The following EPM2A variants were observed in gnomAD, a reference collection of about 807,000 sequenced individuals.
The protein encoded by EPM2A is laforin.
Under a neutral mutation model 26.5 loss-of-function variants are expected in EPM2A, and 21 were observed. The ratio of observed to expected loss-of-function variants is 0.79; its 90% confidence interval spans 0.56 to 1.14. The LOEUF (loss-of-function observed/expected upper bound fraction) is 1.14. Among genes scored for constraint, EPM2A ranks in the 50% most tolerant of loss-of-function variants. The pLI, the probability that EPM2A is intolerant of heterozygous loss-of-function variation, is 0.00. For missense variants in EPM2A, 458 were observed against 440.8 expected (o/e 1.04, Z -0.35); for synonymous variants, 217 against 177.6 (o/e 1.22, Z -1.76).
chr6:145,572,287 T>G (rs1009325932), intron 2 of EPM2A, among the ~76,000 whole-genome samples: 1 of 152,160 alleles, frequency 6.6e-6, no homozygotes, highest in African/African-American at 2.4e-5. Flanking sequence ...TTCTGTCAAA[T>G]GATCATAAGG....
intron 4 of EPM2A, among the ~76,000 whole-genome samples, chr6:145,441,185 G>A (rs932439342): frequency 6.6e-6 from 1 of 152,172 alleles, no homozygotes. Flanking sequence ...AACACCACAT[G>A]GAAGCTGCCA....
chr6:145,552,575 A>T (rs1349774032), intron 2 of EPM2A, among the ~76,000 whole-genome samples: 1 of 152,154 alleles, frequency 6.6e-6, no homozygotes, highest in East Asian at 1.9e-4. Context: ...AATGTAATAA[A>T]TATATGTATT....
chr6:145,620,371 G>A (rs2128553723), downstream of EPM2A, among the ~76,000 whole-genome samples: 1 of 152,246 alleles, frequency 6.6e-6, no homozygotes, highest in South Asian at 2.1e-4. Context: ...AAAGCTCACT[G>A]ACCTGCCACT....
At chr6:145,398,630 C>T (rs1421108516) in intron 4 of EPM2A, among the ~76,000 whole-genome samples, 5 of 152,042 alleles carry the variant, frequency 3.3e-5, no homozygotes, top group Non-Finnish European at 7.4e-5. Context: ...GCCACTGAGG[C>T]GGGCAGATCA....
intron 2 of EPM2A, among the ~76,000 whole-genome samples, chr6:145,655,580 A>C (rs557418641): frequency 6.6e-6 from 1 of 152,320 alleles, no homozygotes; most frequent in East Asian, 1.9e-4. Flanking sequence ...TTACTTTTAA[A>C]AATAATAATT....
At chr6:145,723,095 T>C (rs1776024282) in intron 1 of EPM2A, among the ~76,000 whole-genome samples, 1 of 152,224 alleles carries the variant, frequency 6.6e-6, no homozygotes, top group Non-Finnish European at 1.5e-5. Flanking sequence ...TAAATTATAA[T>C]AGATTATTTA....
At chr6:145,673,241 C>T (rs899179529) in intron 2 of EPM2A, among the ~76,000 whole-genome samples, 4 of 151,790 alleles carry the variant, frequency 2.6e-5, no homozygotes, top group African/African-American at 7.3e-5. Context: ...TAAATAATAG[C>T]AGAAATACAA....
At chr6:145,585,653 C>T (rs1209859838) in intron 2 of EPM2A, among the ~76,000 whole-genome samples, 1 of 151,854 alleles carries the variant, frequency 6.6e-6, no homozygotes, top group East Asian at 1.9e-4. Context: ...TTTCCTGTTT[C>T]TTTGTATATC....
intron 4 of EPM2A, among the ~76,000 whole-genome samples, chr6:145,485,983 C>G (rs1779666548): frequency 6.6e-6 from 1 of 152,200 alleles, no homozygotes; most frequent in Non-Finnish European, 1.5e-5. Flanking sequence ...CCAGGTCCCT[C>G]CCACCACATG....
chr6:145,393,453 T>A (rs868066418), intron 4 of EPM2A, among the ~76,000 whole-genome samples: 47 of 152,014 alleles, frequency 3.1e-4, no homozygotes, highest in Admixed American at 1.0e-3. Flanking sequence ...ATCCTGATCA[T>A]CATAAAGAAA....
chr6:145,469,388 A>G (rs1007514260), intron 4 of EPM2A, among the ~76,000 whole-genome samples: 2 of 152,174 alleles, frequency 1.3e-5, no homozygotes, highest in Admixed American at 1.3e-4. Context: ...TTCTCAAAAG[A>G]AGACATACAA....
At chr6:145,607,779 A>G (rs1258841920) in intron 2 of EPM2A, among the ~76,000 whole-genome samples, 1 of 152,190 alleles carries the variant, frequency 6.6e-6, no homozygotes, top group African/African-American at 2.4e-5. Context: ...AGGACATGGA[A>G]AAGAGATACG....
chr6:145,634,138 G>A (rs1429024477), intron 3 of EPM2A, among the ~76,000 whole-genome samples: 1 of 152,098 alleles, frequency 6.6e-6, no homozygotes, highest in Non-Finnish European at 1.5e-5. Flanking sequence ...CAGCAGAGGA[G>A]GTCATCAAAC....
chr6:145,520,563 G>A (rs530122964), intron 2 of EPM2A, among the ~76,000 whole-genome samples: 11 of 152,234 alleles, frequency 7.2e-5, no homozygotes, highest in Non-Finnish European at 1.5e-4. Flanking sequence ...ATAGAGACAC[G>A]TTATTTTGTA....
chr6:145,546,601 A>G (rs1780586243), intron 2 of EPM2A, among the ~76,000 whole-genome samples: 1 of 152,146 alleles, frequency 6.6e-6, no homozygotes, highest in African/African-American at 2.4e-5. Context: ...TAGTAGTCTA[A>G]TCATTGTCAT....
At chr6:145,583,211 T>C (rs1292825208) in intron 2 of EPM2A, among the ~76,000 whole-genome samples, 2 of 152,198 alleles carry the variant, frequency 1.3e-5, no homozygotes, top group African/African-American at 4.8e-5. Context: ...GTGTGGTCAT[T>C]TGGAGGTAAG....
At chr6:145,714,503 C>T (rs192557214) in intron 1 of EPM2A, among the ~76,000 whole-genome samples, 1 of 152,264 alleles carries the variant, frequency 6.6e-6, no homozygotes, top group Admixed American at 6.5e-5. Context: ...ATATTAAACA[C>T]TGAAATAAAT....
intron 2 of EPM2A, among the ~76,000 whole-genome samples, chr6:145,533,122 C>CA (rs1780384242): frequency 6.6e-6 from 1 of 151,936 alleles, no homozygotes; most frequent in Non-Finnish European, 1.5e-5. Flanking sequence ...CAAAACACAA[C>CA]AAAAAAATAC....
At chr6:145,467,767 T>C (rs1418078439) in intron 4 of EPM2A, among the ~76,000 whole-genome samples, 1 of 152,134 alleles carries the variant, frequency 6.6e-6, no homozygotes, top group Admixed American at 6.6e-5. Context: ...GATTTATATA[T>C]CCTTCAAAGA....
Sources: gnomAD v4.1 joint callset for allele counts (sites outside exome capture counted in the v4.1 genomes callset) on GRCh38, gnomAD v4.1.1 for gene constraint, MANE v1.5 for transcripts, NCBI Gene and HGNC (gene_info 2026-07-23, HGNC 2026-07-21) for gene names.